The following FBN1 variants were observed in gnomAD, a reference collection of about 807,000 sequenced individuals.
FBN1 encodes the protein fibrillin-1.
Under a neutral mutation model 365.1 loss-of-function variants are expected in FBN1, and 29 were observed. The observed-to-expected ratio is 0.08, with a 90% CI of 0.06 to 0.11. The LOEUF (loss-of-function observed/expected upper bound fraction) is 0.11, where lower values mean the gene tolerates loss of function less well. Ranked by LOEUF, FBN1 falls within the 10% of genes least tolerant of loss-of-function variation. The pLI, the probability that FBN1 is intolerant of heterozygous loss-of-function variation, is 1.00. For synonymous variants in FBN1, 1,210 were observed against 1,270.5 expected, an observed-to-expected ratio of 0.95 and a Z score of 1.01; for missense variants, 2,476 against 3,703.2, an observed-to-expected ratio of 0.67 and a Z score of 8.60.
intron 8 of FBN1, chr15:48,528,850 T>G (rs1030046288): frequency 3.9e-5 from 6 of 152,238 alleles, no homozygotes; most frequent in African/African-American, 1.4e-4. Flanking sequence ...TAAACCACCT[T>G]GTTTCTCAGT....
At chr15:48,548,702 A>G (rs745589747) in intron 6 of FBN1, among the ~76,000 whole-genome samples, 9 of 152,208 alleles carry the variant, frequency 5.9e-5, no homozygotes, top group Non-Finnish European at 1.2e-4. Flanking sequence ...CGGAAAGTGT[A>G]TATGGTTAGA....
intron 3 of FBN1, 65 bp from the exon 4 acceptor site, chr15:48,610,891 T>C: frequency 7.2e-7 from 1 of 1,383,514 alleles, no homozygotes. Context: ...AGGGGACCAA[T>C]CCTCAAATGA....
At chr15:48,506,252 C>A (rs902738675) in intron 15 of FBN1, among the ~76,000 whole-genome samples, 4 of 152,058 alleles carry the variant, frequency 2.6e-5, no homozygotes, top group African/African-American at 7.2e-5. Context: ...AAGAAAAAAG[C>A]AAATGATTTT....
chr15:48,432,451 T>C (rs2043030318), intron 55 of FBN1, among the ~76,000 whole-genome samples: 1 of 152,206 alleles, frequency 6.6e-6, no homozygotes, highest in Non-Finnish European at 1.5e-5. Context: ...ATTCTTGAAA[T>C]AGAATATCCT....
intron 63 of FBN1, chr15:48,416,754 TG>T (rs1056300516): frequency 3.9e-5 from 6 of 152,256 alleles, no homozygotes; most frequent in African/African-American, 1.4e-4. Context: ...CAGGGCAGGT[TG>T]GAAAGTTGCT....
At chr15:48,524,058 C>A (rs1234359042) in intron 9 of FBN1, among the ~76,000 whole-genome samples, 3 of 152,116 alleles carry the variant, frequency 2.0e-5, no homozygotes, top group Non-Finnish European at 2.9e-5. Context: ...TTGTGTACAA[C>A]CAGGAGTTAG....
chr15:48,474,660 T>C lies in FBN1; in HGVS notation c.3965-10A>G. On this transcript the variant is annotated splice_polypyrimidine_tract_variant and intron_variant, in intron 32 of 65. Transcript: ENST00000316623. ...TCACATTCATTGATGTCTGGAAAAATGAGCAGTGATTTAGAAAAAGGCTCA... is the reference window on the plus strand; with the variant it reads ...TCACATTCATTGATGTCTGGAAAAACGAGCAGTGATTTAGAAAAAGGCTCA... 10 of 1,614,076 alleles carry C rather than the reference T, an allele frequency of 6.2e-6. No individual in the cohort carries two copies. The highest frequency in any genetic ancestry group is 8.5e-6 in the Non-Finnish European group (10 of 1,179,992).
chr15:48,474,471 T>C, intron 33 of FBN1, 57 bp downstream of exon 33: 1 of 1,613,372 alleles, frequency 6.2e-7, no homozygotes, highest in Non-Finnish European at 8.5e-7. Flanking sequence ...ATTAATATTT[T>C]CATATGTGTA....
intron 51 of FBN1, 168 bp from the exon 52 acceptor site, chr15:48,437,555 T>C: frequency 2.5e-6 from 2 of 802,924 alleles, no homozygotes; most frequent in South Asian, 1.5e-5. Context: ...CCTAAGATGT[T>C]GTGTCTACTC....
rs1367740488 is a variant in FBN1, at chr15:48,474,351, G to A, written c.4114C>T (p.His1372Tyr). The change falls in exon 34 of 66, where the codon CAT (histidine) becomes TAT (tyrosine). Residue 1372 changes from histidine to tyrosine, a missense_variant. By Grantham distance (83) the His-to-Tyr change is moderately conservative (BLOSUM62 2). Transcript: ENST00000316623. ...TDLDECSNGT[H>Y]MCSQHADCKN... ...CAGTCTGCATGCTGGCTGCACATAT[G>A]GGTTCCATTGGAACATTCGTCCAGA... The A allele has an allele frequency of 3.1e-6, 5 of 1,613,958 alleles. No individual in the cohort carries two copies. The Admixed American group carries it at 6.7e-5, about 22-fold the overall frequency.
intron 13 of FBN1, among the ~76,000 whole-genome samples, chr15:48,511,793 T>C (rs919802578): frequency 2.1e-4 from 32 of 152,208 alleles, no homozygotes; most frequent in African/African-American, 7.5e-4. Context: ...CAGTCTCCAA[T>C]ACTAAGTCTC....
chr15:48,410,708 A>G lies in FBN1; in HGVS notation c.*282T>C. ...TGCTGGAAGGATGGCATGTCAGCAT[A>G]AATGGCCAACCCCCAATGGAAATAC... is the stretch of plus-strand genomic sequence containing the variant. On this transcript the variant is annotated 3_prime_UTR_variant, in exon 66 of 66. Coordinates refer to ENST00000316623, the MANE Select transcript of FBN1 (RefSeq NM_000138.5). The G allele has an allele frequency of 2.5e-6, 1 of 402,072 alleles. No homozygotes were observed. Among genetic ancestry groups the G allele is most frequent in the South Asian group, 3.4e-5 (1 of 29,220 alleles). 24.9% of individuals were successfully genotyped at this position (402,072 alleles called of 1,614,324 possible).
chr15:48,554,793 A>G (rs1313146532), intron 6 of FBN1, among the ~76,000 whole-genome samples: 1 of 152,214 alleles, frequency 6.6e-6, no homozygotes, highest in Non-Finnish European at 1.5e-5. Flanking sequence ...TGTCTTATAT[A>G]CCTATGTGAC....
chr15:48,509,354 G>T (rs1008991242), intron 14 of FBN1, among the ~76,000 whole-genome samples: 1 of 150,666 alleles, frequency 6.6e-6, no homozygotes, highest in Non-Finnish European at 1.5e-5. Flanking sequence ...GGAGGCACTT[G>T]CTCTTTTAGA....
In FBN1 at chr15:48,425,766, G is replaced by C. The variant is rs1184775982; in HGVS notation, c.7303C>G (p.Pro2435Ala). The change falls in exon 59 of 66, where the codon CCA becomes GCA. Residue 2435 changes from proline (P) to alanine (A), a missense_variant. Physicochemically the swap from Pro to Ala is conservative, Grantham distance 27. Transcript: ENST00000316623. Reference sequence around the variant, plus strand: ...ACACAGGAAGTCCCAGTTATATCTGGAGTGTACCCAGTTTTACAAATGCAA... The same window carrying C: ...ACACAGGAAGTCCCAGTTATATCTGCAGTGTACCCAGTTTTACAAATGCAA... The part of the protein sequence containing the change: ...YHCICKTGYT[P>A]DITGTSCVDL... 6.2e-7 allele frequency: 1 copy of C among 1,613,396 alleles called. No homozygotes were observed. Among genetic ancestry groups the C allele is most frequent in the Non-Finnish European group, 8.5e-7 (1 of 1,179,470 alleles).
At chr15:48,534,411 T>A (rs555287757) in intron 7 of FBN1, among the ~76,000 whole-genome samples, 15 of 152,222 alleles carry the variant, frequency 9.9e-5, no homozygotes, top group Non-Finnish European at 2.2e-4. Flanking sequence ...TAATGTTCCA[T>A]AAGAAGTCAC....
intron 63 of FBN1, among the ~76,000 whole-genome samples, chr15:48,416,072 C>A (rs1240366403): frequency 6.6e-6 from 1 of 152,182 alleles, no homozygotes; most frequent in East Asian, 1.9e-4. Context: ...CATCAGAAGT[C>A]AACACTGGTA....
intron 16 of FBN1, 32 bp from the exon 17 acceptor site, chr15:48,503,971 G>A (rs771111790): frequency 1.2e-6 from 2 of 1,613,156 alleles, no homozygotes; most frequent in African/African-American, 1.3e-5. Context: ...TCATCACACT[G>A]TCACTTCAAA....
chr15:48,606,288 G>A (rs564711569), intron 4 of FBN1, among the ~76,000 whole-genome samples: 1 of 152,240 alleles, frequency 6.6e-6, no homozygotes, highest in East Asian at 1.9e-4. Context: ...AATGTTCATA[G>A]CAGCTTAGTT....
Sources: gnomAD v4.1 joint callset for allele counts (sites outside exome capture counted in the v4.1 genomes callset) on GRCh38, gnomAD v4.1.1 for gene constraint, MANE v1.5 for transcripts, NCBI Gene and HGNC (gene_info 2026-07-23, HGNC 2026-07-21) for gene names.